The following STAU2 variants were observed in gnomAD, a reference collection of about 807,000 sequenced individuals.
The protein encoded by STAU2 is staufen double-stranded RNA binding protein 2.
Under a neutral mutation model 65.9 loss-of-function variants are expected in STAU2, and 20 were observed. That is an observed-to-expected ratio of 0.30 (90% CI 0.21 to 0.44). The LOEUF (loss-of-function observed/expected upper bound fraction) is 0.44. Ranked by LOEUF, STAU2 falls within the 20% of genes least tolerant of loss-of-function variation. STAU2 has a pLI of 1.00. For synonymous variants in STAU2, 232 were observed against 233.9 expected (o/e 0.99, Z 0.07); for missense variants, 558 against 683.9 (o/e 0.82, Z 2.05).
At chr8:73,455,671 C>T (rs966296825) in intron 13 of STAU2, among the ~76,000 whole-genome samples, 4 of 152,288 alleles carry the variant, frequency 2.6e-5, no homozygotes, top group East Asian at 3.9e-4. Flanking sequence ...TGAAAAACCA[C>T]CGTCATTTCC....
chr8:73,527,784 T>C, intron 13 of STAU2: 1 of 1,536,634 alleles, frequency 6.5e-7, no homozygotes, highest in Non-Finnish European at 8.7e-7. Context: ...CTTTGCCACT[T>C]TGTCTATCAC....
chr8:73,429,983 G>A (rs527727259), intron 13 of STAU2, among the ~76,000 whole-genome samples: 17 of 152,268 alleles, frequency 1.1e-4, no homozygotes, highest in South Asian at 2.1e-4. Flanking sequence ...CCGAGGCTTC[G>A]CTCAGCACTT....
At chr8:73,673,405 G>A (rs964314206) in intron 5 of STAU2, among the ~76,000 whole-genome samples, 163 bp from the exon 6 acceptor site, 1 of 152,056 alleles carries the variant, frequency 6.6e-6, no homozygotes, top group Non-Finnish European at 1.5e-5. Context: ...AAAAAACCAA[G>A]AAAATAGTTC....
intron 1 of STAU2, among the ~76,000 whole-genome samples, chr8:73,740,905 G>C (rs746091385): frequency 8.6e-5 from 13 of 151,488 alleles, no homozygotes; most frequent in Non-Finnish European, 1.9e-4. Context: ...GGAGGCTGAG[G>C]CAGAAGAAAT....
intron 12 of STAU2, among the ~76,000 whole-genome samples, chr8:73,554,362 G>A (rs993494334): frequency 3.3e-5 from 5 of 152,204 alleles, no homozygotes; most frequent in African/African-American, 7.2e-5. Context: ...CATTGGCCCC[G>A]GGGTTGCTAA....
intron 13 of STAU2, chr8:73,549,890 T>C: frequency 1.0e-6 from 1 of 985,750 alleles, no homozygotes; most frequent in Non-Finnish European, 1.2e-6. Context: ...ACAGTCCAAT[T>C]AAAACATTTA....
At chr8:73,634,159 T>C (rs1014601608) in intron 6 of STAU2, among the ~76,000 whole-genome samples, 2 of 152,166 alleles carry the variant, frequency 1.3e-5, no homozygotes, top group Non-Finnish European at 2.9e-5. Context: ...ATTATATTGG[T>C]AAAAAACTCC....
rs60833468 is a variant in STAU2 at position 73,637,477 on chromosome 8, T to TAAAAAAAAAAAAAAAAAAAAAAAA, written c.411-20050_411-20027dup. On this transcript the variant is annotated intron_variant, in intron 6 of 14. Coordinates refer to ENST00000524300, the MANE Select transcript of STAU2 (RefSeq NM_001164380.2). Reference sequence around the variant, plus strand: ...TAAAGTCTTTATAAAGTGCTGAAAGTAAAAAAAAAAAAAAAAAAAAAAAAA... The same window carrying TAAAAAAAAAAAAAAAAAAAAAAAA: ...TAAAGTCTTTATAAAGTGCTGAAAGTAAAAAAAAAAAAAAAAAAAAAAAAAAAAAAAAAAAAAAAAAAAAAAAAA... 5.6e-4 allele frequency among the ~76,000 whole-genome samples: 32 copies of TAAAAAAAAAAAAAAAAAAAAAAAA among 57,096 alleles called. 3 individuals carry two copies. Among genetic ancestry groups the TAAAAAAAAAAAAAAAAAAAAAAAA allele is most frequent in the East Asian group, 1.3e-3 (2 of 1,560 alleles). 37.5% of individuals were successfully genotyped at this position (57,096 alleles called of 152,430 possible). A position where few individuals can be genotyped will look rare whatever the true frequency, so the allele number is the denominator to read the frequency against.
In STAU2 at chr8:73,550,017, G is replaced by A. The variant is rs561826120; in HGVS notation, c.1530+1995C>T. The A allele has an allele frequency of 3.8e-4, 373 of 985,612 alleles. No homozygotes were observed. In the Middle Eastern group the frequency reaches 4.7e-3, roughly 12 times the overall value. 61.1% of individuals were successfully genotyped at this position (985,612 alleles called of 1,614,324 possible). The stretch of plus-strand genomic sequence containing the variant: ...AAAGAACCTTCTGCTGCGACATTAT[G>A]AAGATGGGCTATGCATGTGGCCAGA... On this transcript the variant is annotated intron_variant, in intron 13 of 14. Coordinates refer to ENST00000524300, the MANE Select transcript of STAU2 (RefSeq NM_001164380.2).
intron 12 of STAU2, among the ~76,000 whole-genome samples, chr8:73,556,630 G>A (rs983376646): frequency 3.9e-5 from 6 of 152,082 alleles, no homozygotes; most frequent in South Asian, 2.1e-4. Context: ...AGTGGCAGGC[G>A]CCTGAAATCC....
At chr8:73,627,207 G>GCA (rs1358708964) in intron 6 of STAU2, among the ~76,000 whole-genome samples, 1 of 42,690 alleles carries the variant, frequency 2.3e-5, no homozygotes, top group African/African-American at 7.9e-5. Context: ...CAGGAATACG[G>GCA]CGGGGGGGGG....
chr8:73,549,506 G>A (rs1270035017), intron 13 of STAU2: 1 of 374,384 alleles, frequency 2.7e-6, no homozygotes. Context: ...ATTTGAGCTT[G>A]GATACCTACA....
At chr8:73,635,953 C>A (rs1417534573) in intron 6 of STAU2, among the ~76,000 whole-genome samples, 13 of 20,020 alleles carry the variant, frequency 6.5e-4, no homozygotes, top group African/African-American at 1.0e-3. Flanking sequence ...CACACACACC[C>A]CTGGAACCAA....
At chr8:73,446,043 A>G (rs1818449999) in intron 13 of STAU2, among the ~76,000 whole-genome samples, 2 of 152,364 alleles carry the variant, frequency 1.3e-5, no homozygotes, top group South Asian at 4.1e-4. Flanking sequence ...AGAAACAACC[A>G]AAATATCCCT....
chr8:73,530,802 G>T (rs895136173), intron 13 of STAU2, among the ~76,000 whole-genome samples: 1 of 152,082 alleles, frequency 6.6e-6, no homozygotes, highest in African/African-American at 2.4e-5. Flanking sequence ...AACAGCATGA[G>T]AGAATCCCAG....
chr8:73,605,952 A>G (rs1197878876), intron 9 of STAU2, among the ~76,000 whole-genome samples: 1 of 151,508 alleles, frequency 6.6e-6, no homozygotes, highest in Non-Finnish European at 1.5e-5. Context: ...CACAAAAGGA[A>G]TTCAGTGGGG....
intron 8 of STAU2, among the ~76,000 whole-genome samples, chr8:73,615,245 C>T (rs1414780440): frequency 1.3e-5 from 2 of 151,426 alleles, no homozygotes; most frequent in Non-Finnish European, 2.9e-5. Flanking sequence ...CATCTTACTT[C>T]TTGGTGATTT....
Position 73,420,378 on chromosome 8 carries a change from A to G in STAU2, c.*994T>C. ...AGAACAACAACAGCGCTTCACACAG[A>G]AACCAACCACATTTTTACTGCATCT... On this transcript the variant is annotated 3_prime_UTR_variant, in exon 15 of 15. Transcript: ENST00000524300. The G allele has an allele frequency of 2.9e-6, 1 of 342,508 alleles. No homozygotes were observed. Among genetic ancestry groups the G allele is most frequent in the South Asian group, 2.3e-5 (1 of 44,314 alleles). The allele number at this position is 342,508 out of a possible 1,614,324, so 21.2% of individuals were successfully genotyped here.
chr8:73,550,746 A>T, intron 13 of STAU2: 6 of 987,544 alleles, frequency 6.1e-6, no homozygotes, highest in Non-Finnish European at 7.2e-6. Context: ...TTCAGATGAC[A>T]GAGCCGATAA....
Sources: gnomAD v4.1 joint callset for allele counts (sites outside exome capture counted in the v4.1 genomes callset) on GRCh38, gnomAD v4.1.1 for gene constraint, MANE v1.5 for transcripts, NCBI Gene and HGNC (gene_info 2026-07-23, HGNC 2026-07-21) for gene names.